The following RBFOX1 variants were observed in gnomAD, a reference collection of about 807,000 sequenced individuals.
The protein encoded by RBFOX1 is RNA binding fox-1 homolog 1, also known as RNA binding protein fox-1 homolog 1.
A neutral mutation model predicts 57.7 loss-of-function variants in RBFOX1; 8 were observed. That is an observed-to-expected ratio of 0.14 (90% CI 0.08 to 0.25). The LOEUF (loss-of-function observed/expected upper bound fraction) is 0.25, where lower values mean the gene tolerates loss of function less well. Ranked by LOEUF, RBFOX1 falls within the 10% of genes least tolerant of loss-of-function variation. The pLI is 1.00. For missense variants in RBFOX1, 611 were observed against 548.5 expected, an observed-to-expected ratio of 1.11 and a Z score of -1.14; for synonymous variants, 326 against 222.4, an observed-to-expected ratio of 1.47 and a Z score of -4.15.
In RBFOX1 at chr16:6,329,629, C is replaced by G. The variant is rs117248598; in HGVS notation, c.-64+12572C>G. On this transcript the variant is annotated intron_variant, in intron 2 of 15. Coordinates refer to ENST00000550418, the MANE Select transcript of RBFOX1 (RefSeq NM_018723.4). ...TGTCTGGGTTATATTTACAACTCCA[C>G]TTCTTCAAAAGATGGATGAAGGCCA... Among the ~76,000 whole-genome samples, 545 of 152,234 alleles carry G rather than the reference C, an allele frequency of 3.6e-3. 1 individual carries two copies. Among genetic ancestry groups the G allele is most frequent in the Non-Finnish European group, 6.1e-3 (413 of 68,002 alleles).
intron 4 of RBFOX1, among the ~76,000 whole-genome samples, chr16:7,065,474 G>T (rs1194020017): frequency 6.6e-6 from 1 of 152,170 alleles, no homozygotes; most frequent in African/African-American, 2.4e-5. Context: ...TGCTTCTGCA[G>T]CAAAGCTGCC....
At chr16:7,221,277 G>A (rs950038427) in intron 4 of RBFOX1, among the ~76,000 whole-genome samples, 14 of 151,964 alleles carry the variant, frequency 9.2e-5, no homozygotes, top group Non-Finnish European at 1.3e-4. Context: ...GGTCTCAGAA[G>A]GTGATTTGGC....
chr16:6,832,597 G>A (rs1326992972), intron 3 of RBFOX1, among the ~76,000 whole-genome samples: 3 of 152,234 alleles, frequency 2.0e-5, no homozygotes, highest in Admixed American at 6.5e-5. Flanking sequence ...GACGGAAAGT[G>A]AAGGTTTCTA....
At chr16:6,346,353 A>G (rs1352928079) in intron 2 of RBFOX1, among the ~76,000 whole-genome samples, 1 of 152,194 alleles carries the variant, frequency 6.6e-6, no homozygotes, top group Non-Finnish European at 1.5e-5. Flanking sequence ...TAGTTAACAA[A>G]CTACAGCCTA....
chr16:6,628,143 T>C (rs1339438279), intron 2 of RBFOX1, among the ~76,000 whole-genome samples: 4 of 152,212 alleles, frequency 2.6e-5, no homozygotes, highest in Non-Finnish European at 5.9e-5. Context: ...TCTGTGATAC[T>C]GGTATGGCGT....
At chr16:6,732,563 C>T (rs1434470550) in intron 3 of RBFOX1, among the ~76,000 whole-genome samples, 2 of 152,200 alleles carry the variant, frequency 1.3e-5, no homozygotes, top group Admixed American at 1.3e-4. Flanking sequence ...CCTGAATAGG[C>T]AGACTTTCCA....
At chr16:6,518,791 G>GTCTGTCTGTC (rs1567531526) in intron 2 of RBFOX1, among the ~76,000 whole-genome samples, 104 of 140,880 alleles carry the variant, frequency 7.4e-4, no homozygotes, top group African/African-American at 2.0e-3. Context: ...GTCTGTCTGT[G>GTCTGTCTGTC]TGTCTGTCTA....
At chr16:7,504,750 T>TGACTA (rs2072451437) in intron 4 of RBFOX1, among the ~76,000 whole-genome samples, 1 of 6,590 alleles carries the variant, frequency 1.5e-4, no homozygotes, top group African/African-American at 2.8e-4. Flanking sequence ...TATATATATA[T>TGACTA]ATATTTATAT....
At chr16:5,622,324 A>C (rs2048222957) in intron 3 of RBFOX1, among the ~76,000 whole-genome samples, 1 of 152,182 alleles carries the variant, frequency 6.6e-6, no homozygotes, top group Non-Finnish European at 1.5e-5. Flanking sequence ...TTAATTATGC[A>C]TAATTAATTA....
intron 4 of RBFOX1, among the ~76,000 whole-genome samples, chr16:5,950,535 C>T (rs558506640): frequency 3.9e-4 from 60 of 152,334 alleles, no homozygotes; most frequent in African/African-American, 1.3e-3. Flanking sequence ...AGTATCACTA[C>T]GGGCTCATAG....
chr16:6,324,870 C>G (rs2082198080), intron 2 of RBFOX1, among the ~76,000 whole-genome samples: 1 of 152,270 alleles, frequency 6.6e-6, no homozygotes, highest in East Asian at 1.9e-4. Flanking sequence ...AAGTTACGAC[C>G]AGAAGCAGTC....
chr16:5,897,331 G>A (rs905333334), intron 4 of RBFOX1, among the ~76,000 whole-genome samples: 3 of 152,040 alleles, frequency 2.0e-5, no homozygotes, highest in Non-Finnish European at 2.9e-5. Context: ...CACCGCGCCC[G>A]GCCCTCCATC....
intron 3 of RBFOX1, among the ~76,000 whole-genome samples, chr16:6,666,176 T>C (rs1294124296): frequency 6.6e-6 from 1 of 152,220 alleles, no homozygotes; most frequent in African/African-American, 2.4e-5. Flanking sequence ...TCTTTATAAA[T>C]TATCCAGTCT....
intron 1 of RBFOX1, among the ~76,000 whole-genome samples, chr16:6,180,248 G>C (rs1446695434): frequency 6.6e-6 from 1 of 151,878 alleles, no homozygotes; most frequent in Non-Finnish European, 1.5e-5. Context: ...AGGCACTGGG[G>C]TCTGGGTTTT....
chr16:5,647,680 A>G (rs1268601265), intron 3 of RBFOX1, among the ~76,000 whole-genome samples: 1 of 152,154 alleles, frequency 6.6e-6, no homozygotes, highest in Non-Finnish European at 1.5e-5. Context: ...GGGTAAGAAG[A>G]ACTAATCCGT....
chr16:7,621,569 T>G (rs12597158), intron 10 of RBFOX1, among the ~76,000 whole-genome samples: 74,573 of 152,108 alleles, frequency 0.49, 19,762 homozygotes, highest in Non-Finnish European at 0.58. Context: ...CCTAATTGTT[T>G]TATTGTTTTG....
At chr16:7,013,711 G>C (rs1056881499) in intron 3 of RBFOX1, among the ~76,000 whole-genome samples, 2 of 152,216 alleles carry the variant, frequency 1.3e-5, no homozygotes, top group East Asian at 3.9e-4. Flanking sequence ...AGGCTGGAGT[G>C]CACTGGCACA....
intron 2 of RBFOX1, among the ~76,000 whole-genome samples, chr16:6,497,321 G>A (rs1215992753): frequency 6.6e-6 from 1 of 152,114 alleles, no homozygotes. Context: ...GATGCAGTAT[G>A]TTGTTGAGAT....
At chr16:7,020,743 C>G (rs1178510778) in intron 3 of RBFOX1, among the ~76,000 whole-genome samples, 1 of 152,060 alleles carries the variant, frequency 6.6e-6, no homozygotes, top group African/African-American at 2.4e-5. Flanking sequence ...CCTCTGAGAA[C>G]CATGAGCTCA....
Sources: allele counts gnomAD v4.1 joint callset (sites outside exome capture counted in the v4.1 genomes callset), GRCh38; gene constraint gnomAD v4.1.1; transcripts MANE v1.5; gene names NCBI Gene and HGNC (gene_info 2026-07-23, HGNC 2026-07-21).